The following SCFD2 variants were observed in gnomAD, a reference collection of about 807,000 sequenced individuals.
SCFD2 encodes the protein sec1 family domain containing 2, also known as sec1 family domain-containing protein 2.
SCFD2 carries 54 observed loss-of-function variants against 58.9 expected under a neutral mutation model. The observed-to-expected ratio is 0.92, with a 90% CI of 0.74 to 1.15. The LOEUF (loss-of-function observed/expected upper bound fraction) is 1.15. SCFD2 is among the 50% of genes most tolerant of loss of function. The probability of loss-of-function intolerance (pLI) is 0.00; values close to 1 mark genes in which losing one functional copy is unlikely to be tolerated. For synonymous variants in SCFD2, 321 were observed against 335.9 expected (o/e 0.96, Z 0.49); for missense variants, 805 against 836.6 (o/e 0.96, Z 0.47).
chr4:53,353,068 T>C (rs1396053042), intron 1 of SCFD2, among the ~76,000 whole-genome samples: 1 of 152,180 alleles, frequency 6.6e-6, no homozygotes, highest in Non-Finnish European at 1.5e-5. Flanking sequence ...ACTTCAAGAA[T>C]GAAGCCGCAG....
At position 53,180,799 on chromosome 4, in the gene SCFD2, A is replaced by G. The variant is rs192760592; in HGVS notation, c.1312-35217T>C. On this transcript the variant is annotated intron_variant, in intron 4 of 8. Transcript: ENST00000401642. ...AAAGAGAGAAGAATCAAACAGACGC[A>G]ATAAAAAATGACAAAGGGGATATCA... Among the ~76,000 whole-genome samples the G allele has an allele frequency of 2.0e-3, 306 of 152,302 alleles. 1 individual carries two copies. The highest frequency in any genetic ancestry group is 7.0e-3 in the African/African-American group (293 of 41,562).
chr4:53,315,659 TC>T (rs1021362724), intron 2 of SCFD2, among the ~76,000 whole-genome samples: 2 of 152,168 alleles, frequency 1.3e-5, no homozygotes, highest in Non-Finnish European at 2.9e-5. Context: ...ATGGAAGAAT[TC>T]TGAGCATGGG....
At chr4:53,250,560 A>T (rs1161725514) in intron 4 of SCFD2, among the ~76,000 whole-genome samples, 1 of 152,182 alleles carries the variant, frequency 6.6e-6, no homozygotes, top group Admixed American at 6.5e-5. Context: ...GACCACAGTG[A>T]AATCAAACTA....
chr4:53,260,282 A>C (rs1420932308), intron 4 of SCFD2, among the ~76,000 whole-genome samples: 1 of 152,080 alleles, frequency 6.6e-6, no homozygotes, highest in African/African-American at 2.4e-5. Flanking sequence ...AGAAGTGATG[A>C]GAGTGTGTAT....
At chr4:53,237,917 A>C (rs1289878097) in intron 4 of SCFD2, among the ~76,000 whole-genome samples, 3 of 75,026 alleles carry the variant, frequency 4.0e-5, no homozygotes, top group Admixed American at 1.4e-4. Flanking sequence ...TGACCCCCCC[A>C]CCTCCCTTCC....
intron 2 of SCFD2, among the ~76,000 whole-genome samples, chr4:53,345,347 T>C (rs1452434260): frequency 6.6e-6 from 1 of 151,908 alleles, no homozygotes; most frequent in Non-Finnish European, 1.5e-5. Flanking sequence ...CATGAAAAAA[T>C]GTTCATTATC....
intron 5 of SCFD2, among the ~76,000 whole-genome samples, chr4:53,030,485 C>T (rs922340531): frequency 4.6e-5 from 7 of 151,912 alleles, no homozygotes; most frequent in African/African-American, 9.7e-5. Flanking sequence ...TGCAGTGGCG[C>T]GATCTCAGCT....
chr4:52,940,301 C>T (rs1045893339), intron 5 of SCFD2, among the ~76,000 whole-genome samples: 7 of 152,182 alleles, frequency 4.6e-5, no homozygotes, highest in African/African-American at 1.4e-4. Flanking sequence ...GTTCCGACTA[C>T]ACTCAGCATG....
intron 2 of SCFD2, among the ~76,000 whole-genome samples, chr4:53,334,379 A>T (rs1733605510): frequency 6.6e-6 from 1 of 152,186 alleles, no homozygotes; most frequent in African/African-American, 2.4e-5. Flanking sequence ...AGACTGGATT[A>T]AGAAAATGTG....
At chr4:53,108,270 GGAAAGATGTAAAGTT>G (rs2148881943) in intron 5 of SCFD2, among the ~76,000 whole-genome samples, 1 of 152,256 alleles carries the variant, frequency 6.6e-6, no homozygotes, top group South Asian at 2.1e-4. Flanking sequence ...GGAGAAAGTA[GGAAAGATGTAAAGTT>G]GACATCCTAA....
chr4:53,072,577 G>T (rs113963041), intron 5 of SCFD2, among the ~76,000 whole-genome samples: 44 of 152,064 alleles, frequency 2.9e-4, no homozygotes, highest in Admixed American at 1.6e-3. Flanking sequence ...AAAAGATTAG[G>T]GGGGGGAAAG....
intron 5 of SCFD2, among the ~76,000 whole-genome samples, chr4:52,987,820 A>G (rs528090852): frequency 2.2e-4 from 33 of 152,368 alleles, no homozygotes; most frequent in African/African-American, 7.9e-4. Flanking sequence ...AAAACAACAC[A>G]TAAAACGCCG....
At position 53,145,565 on chromosome 4, in the gene SCFD2, T is replaced by G. The variant is rs1374083674; in HGVS notation, c.1329A>C (p.Ala443=). Residue 443 remains alanine (A), a synonymous_variant, in exon 5 of 9, where the codon GCA becomes GCC. Coordinates refer to ENST00000401642, the MANE Select transcript of SCFD2 (RefSeq NM_152540.4). ...RLLLQSIGES[A]MSVVLNQLLP... ...GCAGCTGATTTAACACAACGGACAT[T>G]GCTGACTCCCCAATGCTCTAAAATA... 1 of 1,613,858 alleles carries G rather than the reference T, an allele frequency of 6.2e-7. No individual in the cohort carries two copies. Among genetic ancestry groups the G allele is most frequent in the Admixed American group, 1.7e-5 (1 of 59,964 alleles).
At chr4:53,020,656 G>A (rs1722325062) in intron 5 of SCFD2, among the ~76,000 whole-genome samples, 1 of 152,126 alleles carries the variant, frequency 6.6e-6, no homozygotes, top group South Asian at 2.1e-4. Flanking sequence ...TCCTTCCTGG[G>A]TACACAGTAG....
chr4:53,341,537 G>A (rs1173143549), intron 2 of SCFD2, among the ~76,000 whole-genome samples: 2 of 152,152 alleles, frequency 1.3e-5, no homozygotes, highest in African/African-American at 4.8e-5. Context: ...GACTCTGCAG[G>A]ATATTTTCCA....
At chr4:53,238,046 C>CG (rs1338239371) in intron 4 of SCFD2, among the ~76,000 whole-genome samples, 42 of 135,474 alleles carry the variant, frequency 3.1e-4, no homozygotes, top group East Asian at 4.8e-4. Flanking sequence ...GCTGGCCGGG[C>CG]GGGGGGCTGA....
intron 3 of SCFD2, among the ~76,000 whole-genome samples, chr4:53,306,359 A>G (rs76968012): frequency 0.11 from 16,111 of 152,134 alleles, 952 homozygotes; most frequent in East Asian, 0.21. Context: ...AGAAAGAGGG[A>G]GAGATCAGAA....
At chr4:53,006,588 A>C (rs1388142262) in intron 5 of SCFD2, among the ~76,000 whole-genome samples, 1 of 152,240 alleles carries the variant, frequency 6.6e-6, no homozygotes, top group East Asian at 1.9e-4. Flanking sequence ...AGTTAACTGA[A>C]GCAGGTTGTT....
intron 6 of SCFD2, among the ~76,000 whole-genome samples, chr4:52,919,602 T>C (rs1197827162): frequency 6.6e-6 from 1 of 151,974 alleles, no homozygotes; most frequent in Non-Finnish European, 1.5e-5. Context: ...AGGGAGGAGG[T>C]TTTGGGCTGG....
Sources: allele counts gnomAD v4.1 joint callset (sites outside exome capture counted in the v4.1 genomes callset), GRCh38; gene constraint gnomAD v4.1.1; transcripts MANE v1.5; gene names NCBI Gene and HGNC (gene_info 2026-07-23, HGNC 2026-07-21).